ZMYM1: variants seen among roughly 807,000 people sequenced by gnomAD.
The protein encoded by ZMYM1 is zinc finger MYM-type containing 1.
Under a neutral mutation model 60.0 loss-of-function variants are expected in ZMYM1, and 39 were observed. The observed-to-expected ratio is 0.65, with a 90% CI of 0.50 to 0.85. ZMYM1 has a LOEUF of 0.85. Among genes scored for constraint, ZMYM1 ranks in the 40% least tolerant of loss-of-function variants. ZMYM1 has a pLI of 0.00. For synonymous variants in ZMYM1, 413 were observed against 454.0 expected (o/e 0.91, Z 1.15); for missense variants, 1,171 against 1,309.5 (o/e 0.89, Z 1.63).
At chr1:35,064,841 C>T (rs962129892) in intron 1 of ZMYM1, among the ~76,000 whole-genome samples, 1 of 151,788 alleles carries the variant, frequency 6.6e-6, no homozygotes, top group African/African-American at 2.4e-5. Flanking sequence ...GCGCCCGCCA[C>T]CACACCCGGC....
chr1:35,063,985 C>T (rs566621379), intron 1 of ZMYM1, among the ~76,000 whole-genome samples: 5 of 152,072 alleles, frequency 3.3e-5, no homozygotes, highest in Non-Finnish European at 7.4e-5. Context: ...CTAGATAGCC[C>T]GAAATGATAG....
intron 1 of ZMYM1, among the ~76,000 whole-genome samples, chr1:35,073,447 C>A (rs1642109929): frequency 1.3e-5 from 2 of 150,482 alleles, no homozygotes; most frequent in African/African-American, 4.9e-5. Flanking sequence ...CCTGTAGTCC[C>A]AGCTACTCAG....
At position 35,113,658 on chromosome 1, in the gene ZMYM1, G is replaced by T; in HGVS notation, c.1828G>T (p.Asp610Tyr). The change falls in exon 10 of 10, where the codon GAC becomes TAC. Residue 610 changes from aspartate (D) to tyrosine (Y), a missense_variant. Asp to Tyr is a radical substitution (Grantham distance 160). Coordinates refer to ENST00000359858, the MANE Select transcript of ZMYM1 (RefSeq NM_024772.5). Reference protein sequence around the residue: ...ETFRLMNSQVDFYNSTQIQSD... With the variant: ...ETFRLMNSQVYFYNSTQIQSD... Reference sequence around the variant, plus strand: ...ATTTCGACTTATGAATTCACAAGTTGACTTCTATAACAGTACACAAATTCA... The same window carrying T: ...ATTTCGACTTATGAATTCACAAGTTTACTTCTATAACAGTACACAAATTCA... The T allele has an allele frequency of 6.2e-7, 1 of 1,612,526 alleles. No individual in the cohort carries two copies. Among genetic ancestry groups the T allele is most frequent in the South Asian group, 1.1e-5 (1 of 90,492 alleles).
intron 6 of ZMYM1, among the ~76,000 whole-genome samples, chr1:35,108,471 C>G (rs1557702168): frequency 6.6e-6 from 1 of 152,060 alleles, no homozygotes; most frequent in Non-Finnish European, 1.5e-5. Context: ...TCCATCTCAG[C>G]CTCCCAAGTA....
At chr1:35,104,503 G>C in intron 5 of ZMYM1, 34 bp downstream of exon 5, 1 of 1,611,206 alleles carries the variant, frequency 6.2e-7, no homozygotes. Flanking sequence ...CAGGGATTCT[G>C]ATGATTCTGC....
rs751456082 is a variant in ZMYM1, at chr1:35,114,123, C to T, written c.2293C>T (p.Arg765Ter). 1.2e-6 allele frequency: 2 copies of T among 1,611,952 alleles called. No homozygotes were observed. The highest frequency in any genetic ancestry group is 1.7e-6 in the Non-Finnish European group (2 of 1,179,422). ...GTTTTGTAAAGAAGTAAAAGAACTC[C>T]GAAGTGCTCTAAAAACTCTCAGTTC... ...IRFCKEVKELRSALKTLSSLF... is the reference protein window; with the variant it reads ...IRFCKEVKEL The change falls in exon 10 of 10, where the codon CGA becomes TGA. Residue 765 changes from arginine (R) to a stop codon, truncating the protein, a stop_gained. Coordinates refer to ENST00000359858, the MANE Select transcript of ZMYM1 (RefSeq NM_024772.5). LOFTEE classifies it high-confidence loss of function.
At chr1:35,116,408 T>C (rs921210021), downstream of ZMYM1, among the ~76,000 whole-genome samples, 23 of 152,220 alleles carry the variant, frequency 1.5e-4, no homozygotes, top group Non-Finnish European at 3.1e-4. Context: ...AAAATATAAC[T>C]ATATTTAAGT....
chr1:35,065,815 A>C (rs965580338), intron 1 of ZMYM1, among the ~76,000 whole-genome samples: 1 of 152,082 alleles, frequency 6.6e-6, no homozygotes, highest in African/African-American at 2.4e-5. Context: ...ATAAAGAAAA[A>C]TTAGAGTAAC....
chr1:35,086,510 C>T (rs1165713851), intron 1 of ZMYM1, among the ~76,000 whole-genome samples: 2 of 151,876 alleles, frequency 1.3e-5, no homozygotes. Flanking sequence ...AACTCTGTCT[C>T]CAATCAAGAT....
At chr1:35,064,047 C>T (rs1049491976) in intron 1 of ZMYM1, among the ~76,000 whole-genome samples, 2 of 152,036 alleles carry the variant, frequency 1.3e-5, no homozygotes, top group Admixed American at 6.6e-5. Flanking sequence ...AAGTTTCAGC[C>T]GGGCACAGTG....
chr1:35,110,425 A>G lies in ZMYM1; in HGVS notation c.939A>G (p.Lys313=), dbSNP rs772629281. ...TTAATTGTTTCTCTGCATACAGTAA[A>G]GCTAAGATGGAATCTTCTTCAGGTA... ...CSINCFSAYS[K]AKMESSSVSV... The change falls in exon 7 of 10, where the codon AAA becomes AAG. Residue 313 remains lysine (K), a synonymous_variant. Transcript: ENST00000359858. 7 of 1,528,136 alleles carry G rather than the reference A, an allele frequency of 4.6e-6. No individual in the cohort carries two copies. The African/African-American group carries it at 8.5e-5, about 19-fold the overall frequency. 94.7% of individuals were successfully genotyped at this position (1,528,136 alleles called of 1,614,324 possible). A position where few individuals can be genotyped will look rare whatever the true frequency, so the allele number is the denominator to read the frequency against.
chr1:35,096,298 C>T (rs1443431602), intron 3 of ZMYM1, among the ~76,000 whole-genome samples: 14 of 145,388 alleles, frequency 9.6e-5, no homozygotes, highest in South Asian at 4.4e-4. Flanking sequence ...GGCAACAGAG[C>T]GAGACTCTGT....
At chr1:35,068,640 A>T (rs866381035) in intron 1 of ZMYM1, among the ~76,000 whole-genome samples, 1 of 118,138 alleles carries the variant, frequency 8.5e-6, no homozygotes, top group Admixed American at 8.0e-5. Flanking sequence ...ATCCATACGC[A>T]AAAAAAAAAA....
intron 1 of ZMYM1, among the ~76,000 whole-genome samples, chr1:35,081,464 C>T (rs537509841): frequency 6.6e-6 from 1 of 151,940 alleles, no homozygotes; most frequent in African/African-American, 2.4e-5. Context: ...TCCACAAAAA[C>T]CCCTGCTGGG....
chr1:35,059,946 G>A (rs1641841348), intron 1 of ZMYM1: 1 of 151,922 alleles, frequency 6.6e-6, no homozygotes, highest in African/African-American at 2.4e-5. Flanking sequence ...TCTCTCTCTT[G>A]CCCTCACCCT....
Position 35,104,699 on chromosome 1 carries a change from C to T in ZMYM1, c.737C>T (p.Ser246Phe). The change falls in exon 6 of 10, where the codon TCC becomes TTC. Residue 246 changes from serine to phenylalanine, a missense_variant. By Grantham distance (155) the Ser-to-Phe change is radical. Transcript: ENST00000359858. Reference sequence around the variant, plus strand: ...TACTGTTACACCAGCTCTAGTCTGTCCCACATACTTCAGATGGAAGGACAG... The same window carrying T: ...TACTGTTACACCAGCTCTAGTCTGTTCCACATACTTCAGATGGAAGGACAG... Reference protein sequence around the residue: ...GTYCYTSSSLSHILQMEGQSH... With the variant: ...GTYCYTSSSLFHILQMEGQSH... The T allele has an allele frequency of 6.2e-7, 1 of 1,614,124 alleles. No homozygotes were observed. The highest frequency in any genetic ancestry group is 1.6e-4 in the Middle Eastern group (1 of 6,062).
At chr1:35,087,813 A>G (rs1642739585) in intron 1 of ZMYM1, among the ~76,000 whole-genome samples, 1 of 152,028 alleles carries the variant, frequency 6.6e-6, no homozygotes, top group African/African-American at 2.4e-5. Context: ...CTGTAATCCC[A>G]GCACTTTGGG....
intron 1 of ZMYM1, among the ~76,000 whole-genome samples, chr1:35,069,333 C>T (rs911923993): frequency 7.2e-5 from 11 of 152,092 alleles, no homozygotes; most frequent in Non-Finnish European, 8.8e-5. Context: ...TTGCATTTCC[C>T]TGATATGTGA....
intron 1 of ZMYM1, among the ~76,000 whole-genome samples, chr1:35,067,351 G>A (rs891413370): frequency 1.3e-5 from 2 of 151,528 alleles, no homozygotes; most frequent in African/African-American, 4.9e-5. Context: ...GCAGTGGTGT[G>A]ATCACAGCTC....
Sources: gnomAD v4.1 joint callset for allele counts (sites outside exome capture counted in the v4.1 genomes callset) on GRCh38, gnomAD v4.1.1 for gene constraint, MANE v1.5 for transcripts, NCBI Gene and HGNC (gene_info 2026-07-23, HGNC 2026-07-21) for gene names.